The following PPP4R3A variants were observed in gnomAD, a reference collection of about 807,000 sequenced individuals.
PPP4R3A encodes protein phosphatase 4 regulatory subunit 3A.
A neutral mutation model predicts 91.7 loss-of-function variants in PPP4R3A; 15 were observed. The ratio of observed to expected loss-of-function variants is 0.16; its 90% CI spans 0.11 to 0.25. PPP4R3A has a LOEUF of 0.25. PPP4R3A is among the 10% of genes least tolerant of loss of function. The probability of loss-of-function intolerance (pLI) is 1.00; values close to 1 mark genes in which losing one functional copy is unlikely to be tolerated. For synonymous variants in PPP4R3A, 377 were observed against 348.7 expected, an observed-to-expected ratio of 1.08 and a Z score of -0.91; for missense variants, 623 against 998.4, an observed-to-expected ratio of 0.62 and a Z score of 5.07.
intron 1 of PPP4R3A, among the ~76,000 whole-genome samples, chr14:91,500,287 A>G (rs9707275): frequency 0.49 from 74,607 of 151,752 alleles, 18,666 homozygotes; most frequent in Admixed American, 0.53. Context: ...TGCAACCTCC[A>G]CCTCCCGGGT....
intron 10 of PPP4R3A, among the ~76,000 whole-genome samples, chr14:91,468,978 T>C (rs1888667617): frequency 6.6e-6 from 1 of 152,044 alleles, no homozygotes; most frequent in African/African-American, 2.4e-5. Context: ...GATGGCCAAG[T>C]CCAGGTCATA....
In PPP4R3A at chr14:91,461,466, G is replaced by A. The variant is rs773458405; in HGVS notation, c.2306C>T (p.Pro769Leu). ...AGATCCTGGGGATCCAGGTGATCCCGGAGAACCAGGCAGATTTGTTGTAGA... is the reference window on the plus strand; with the variant it reads ...AGATCCTGGGGATCCAGGTGATCCCAGAGAACCAGGCAGATTTGTTGTAGA... ...QSSTTNLPGS[P>L]GSPGSPGSPG... Residue 769 changes from proline (P) to leucine (L), a missense_variant, in exon 14 of 15, where the codon CCG becomes CTG. Around this residue, in one of 5 missense-constraint regions of PPP4R3A, gnomAD observed 201 missense variants for 229.9 expected, o/e 0.87. Transcript: ENST00000554943. 2.2e-5 allele frequency: 35 copies of A among 1,614,004 alleles called. No individual in the cohort carries two copies. Among genetic ancestry groups the A allele is most frequent in the Non-Finnish European group, 2.4e-5 (28 of 1,180,034 alleles).
rs191013186 is a variant in PPP4R3A, at chr14:91,475,337, G to A, written c.1266+474C>T. ...AATCTGGTATATCTCAGATGCTAACGTGAGTGTTTGTGAACAACGTAACAG... is the reference window on the plus strand; with the variant it reads ...AATCTGGTATATCTCAGATGCTAACATGAGTGTTTGTGAACAACGTAACAG... On this transcript the variant is annotated intron_variant, in intron 7 of 14. Coordinates refer to ENST00000554943, the MANE Select transcript of PPP4R3A (RefSeq NM_001366432.2). 535 of 160,138 alleles carry A rather than the reference G, an allele frequency of 3.3e-3. 6 individuals are homozygous for A. The highest frequency in any genetic ancestry group is 0.011 in the African/African-American group (478 of 41,570). 9.9% of individuals were successfully genotyped at this position (160,138 alleles called of 1,614,324 possible).
intron 1 of PPP4R3A, among the ~76,000 whole-genome samples, chr14:91,507,144 C>A (rs2140174022): frequency 6.6e-6 from 1 of 151,346 alleles, no homozygotes; most frequent in South Asian, 2.1e-4. Flanking sequence ...AATGTTGAAA[C>A]CCCGTCTCTA....
intron 1 of PPP4R3A, among the ~76,000 whole-genome samples, chr14:91,506,916 T>A (rs907946993): frequency 9.2e-5 from 14 of 152,190 alleles, no homozygotes; most frequent in African/African-American, 2.9e-4. Flanking sequence ...AGTAATTTAG[T>A]TAAGCTCTCC....
At chr14:91,487,866 G>A (rs2140128077) in intron 2 of PPP4R3A, among the ~76,000 whole-genome samples, 1 of 152,284 alleles carries the variant, frequency 6.6e-6, no homozygotes, top group East Asian at 1.9e-4. Flanking sequence ...ACAGGCATGT[G>A]CCACCATGCC....
chr14:91,470,506 G>A (rs1342605049), intron 10 of PPP4R3A, among the ~76,000 whole-genome samples: 1 of 152,060 alleles, frequency 6.6e-6, no homozygotes, highest in East Asian at 1.9e-4. Context: ...CAGCTTGTAG[G>A]CTGTACAATC....
intron 1 of PPP4R3A, among the ~76,000 whole-genome samples, chr14:91,498,987 A>G (rs942975801): frequency 3.3e-4 from 50 of 150,594 alleles, no homozygotes; most frequent in Admixed American, 3.3e-4. Flanking sequence ...GGGTTTCACC[A>G]TGTTGGCCAG....
At position 91,476,980 on chromosome 14, in the gene PPP4R3A, C is replaced by A; in HGVS notation, c.922G>T (p.Glu308Ter). Residue 308 changes from glutamate (E) to a stop codon, truncating the protein, a stop_gained, in exon 5 of 15, where the codon GAA becomes TAA. Transcript: ENST00000554943. LOFTEE classifies it high-confidence loss of function. ...VEIVGMLQED[E>*]KFLTDLFAQL... The stretch of plus-strand genomic sequence containing the variant: ...GCAAACAAATCTGTCAGAAATTTTT[C>A]ATCTTCCTGTGAAACAAAGGACAAA... 6.3e-7 allele frequency: 1 copy of A among 1,598,648 alleles called. No individual in the cohort carries two copies. The highest frequency in any genetic ancestry group is 8.5e-7 in the Non-Finnish European group (1 of 1,171,218).
chr14:91,467,102 A>T (rs2140078159), intron 10 of PPP4R3A, among the ~76,000 whole-genome samples: 1 of 152,318 alleles, frequency 6.6e-6, no homozygotes, highest in South Asian at 2.1e-4. Flanking sequence ...AGATAGAAGG[A>T]GGTTCTAGTG....
At chr14:91,476,780 T>C in intron 5 of PPP4R3A, 129 bp downstream of exon 5, 1 of 764,548 alleles carries the variant, frequency 1.3e-6, no homozygotes, top group Non-Finnish European at 2.1e-6. Flanking sequence ...TTCGCCAGGC[T>C]GGTCTCAAAC....
At position 91,481,983 on chromosome 14, in the gene PPP4R3A, T is replaced by C. The variant is rs764794753; in HGVS notation, c.508A>G (p.Ile170Val). 7 of 1,614,014 alleles carry C rather than the reference T, an allele frequency of 4.3e-6. No homozygotes were observed. Among genetic ancestry groups the C allele is most frequent in the Non-Finnish European group, 5.1e-6 (6 of 1,180,036 alleles). ...LALALENEGY[I>V]KKLLELFHVC... ...TGAAAAAGCTCCAGGAGCTTTTTAA[T>C]ATAACCCTCATTTTCTAGTGCCAGT... The change falls in exon 4 of 15, where the codon ATT (isoleucine) becomes GTT (valine). Residue 170 changes from isoleucine (I) to valine (V), a missense_variant. Coordinates refer to ENST00000554943, the MANE Select transcript of PPP4R3A (RefSeq NM_001366432.2).
chr14:91,460,722 G>A (rs1362707951), intron 14 of PPP4R3A, among the ~76,000 whole-genome samples: 4 of 135,522 alleles, frequency 3.0e-5, no homozygotes, highest in African/African-American at 8.4e-5. Context: ...CCAGGTTCAT[G>A]CCATTCTCCT....
At chr14:91,465,728 T>G (rs943979661) in intron 10 of PPP4R3A, among the ~76,000 whole-genome samples, 2 of 152,122 alleles carry the variant, frequency 1.3e-5, no homozygotes, top group African/African-American at 4.8e-5. Context: ...CTAAGACAAA[T>G]GAATGAACCT....
At chr14:91,486,195 A>C (rs1889863827) in intron 2 of PPP4R3A, among the ~76,000 whole-genome samples, 1 of 151,958 alleles carries the variant, frequency 6.6e-6, no homozygotes, top group South Asian at 2.1e-4. Context: ...GAAGCCCTTG[A>C]AATTATTGGC....
At chr14:91,485,206 G>A (rs1889812674) in intron 3 of PPP4R3A, among the ~76,000 whole-genome samples, 1 of 152,228 alleles carries the variant, frequency 6.6e-6, no homozygotes, top group Non-Finnish European at 1.5e-5. Flanking sequence ...AAGTAAAAAT[G>A]AAGATAAGCC....
intron 1 of PPP4R3A, among the ~76,000 whole-genome samples, chr14:91,494,922 ACAAT>A (rs1185888914): frequency 6.6e-6 from 1 of 152,186 alleles, no homozygotes; most frequent in Non-Finnish European, 1.5e-5. Flanking sequence ...TAGAATGTCT[ACAAT>A]CAAAGACAAG....
At chr14:91,499,794 C>G (rs1476295611) in intron 1 of PPP4R3A, among the ~76,000 whole-genome samples, 1 of 146,942 alleles carries the variant, frequency 6.8e-6, no homozygotes, top group Non-Finnish European at 1.5e-5. Flanking sequence ...GCACTCCAAC[C>G]TGGGTGACAG....
At chr14:91,472,602 C>T (rs1888919944) in intron 9 of PPP4R3A, among the ~76,000 whole-genome samples, 1 of 151,740 alleles carries the variant, frequency 6.6e-6, no homozygotes, top group African/African-American at 2.4e-5. Flanking sequence ...TAGCTGGGAC[C>T]ACAAGGCACC....
Sources: allele counts gnomAD v4.1 joint callset (sites outside exome capture counted in the v4.1 genomes callset), GRCh38; gene constraint gnomAD v4.1.1; regional missense constraint gnomAD v4.1.1; transcripts MANE v1.5; gene names NCBI Gene and HGNC (gene_info 2026-07-23, HGNC 2026-07-21).